Variants in RALGAPB observed in about 807,000 individuals in gnomAD.
RALGAPB encodes the protein ral GTPase-activating protein subunit beta.
In RALGAPB, 25 loss-of-function variants were observed where a neutral mutation model predicts 161.1. The ratio of observed to expected loss-of-function variants is 0.16; its 90% CI spans 0.11 to 0.22. The LOEUF (loss-of-function observed/expected upper bound fraction) is 0.22, where lower values mean the gene tolerates loss of function less well. Ranked by LOEUF, RALGAPB falls within the 10% of genes least tolerant of loss-of-function variation. RALGAPB has a pLI of 1.00. For synonymous variants in RALGAPB, 629 were observed against 626.1 expected, an observed-to-expected ratio of 1.00 and a Z score of -0.07; for missense variants, 1,391 against 1,815.2, an observed-to-expected ratio of 0.77 and a Z score of 4.25.
intron 1 of RALGAPB, among the ~76,000 whole-genome samples, chr20:38,488,067 G>GAA (rs111893244): frequency 6.6e-6 from 1 of 151,124 alleles, no homozygotes; most frequent in African/African-American, 2.4e-5. Context: ...TCTCAAAAAA[G>GAA]AAAAAAAATG....
intron 13 of RALGAPB, among the ~76,000 whole-genome samples, chr20:38,530,842 C>T (rs1213506411): frequency 2.6e-5 from 4 of 151,134 alleles, no homozygotes; most frequent in Non-Finnish European, 4.4e-5. Flanking sequence ...CGCCCCACTT[C>T]GGCCACCCAA....
intron 27 of RALGAPB, 102 bp downstream of exon 27, chr20:38,570,098 G>A (rs2145530855): frequency 2.2e-6 from 2 of 905,368 alleles, no homozygotes; most frequent in East Asian, 5.1e-5. Context: ...GTGGCCAGGA[G>A]CTAGTCCTGG....
chr20:38,559,128 C>T (rs890966779), intron 23 of RALGAPB, among the ~76,000 whole-genome samples: 1 of 152,148 alleles, frequency 6.6e-6, no homozygotes, highest in Non-Finnish European at 1.5e-5. Context: ...TATCTTTCTT[C>T]CCCTTAAGGA....
In RALGAPB at chr20:38,570,008, G is replaced by A. The variant is rs2088172893; in HGVS notation, c.4063+12G>A. 1.9e-6 allele frequency: 3 copies of A among 1,591,854 alleles called. No individual in the cohort carries two copies. The highest frequency in any genetic ancestry group is 1.7e-5 in the Admixed American group (1 of 59,824). On this transcript the variant is annotated intron_variant, in intron 27 of 29. Transcript: ENST00000262879. Reference sequence around the variant, plus strand: ...CTATGATGATATAGGTACTGTATGAGGACTTTGTCCATAAATAAAATGGCA... The same window carrying A: ...CTATGATGATATAGGTACTGTATGAAGACTTTGTCCATAAATAAAATGGCA...
At position 38,575,204 on chromosome 20, in the gene RALGAPB, C is replaced by A; in HGVS notation, c.*237C>A. ...TGATAATGATGATATACATTTTAGCCATAAACTTTCTTTTAAAAGTGACAA... is the reference window on the plus strand; with the variant it reads ...TGATAATGATGATATACATTTTAGCAATAAACTTTCTTTTAAAAGTGACAA... On this transcript the variant is annotated 3_prime_UTR_variant, in exon 30 of 30. Coordinates refer to ENST00000262879, the MANE Select transcript of RALGAPB (RefSeq NM_020336.4). The A allele has an allele frequency of 2.4e-6, 1 of 422,018 alleles. No individual in the cohort carries two copies. The highest frequency in any genetic ancestry group is 4.2e-6 in the Non-Finnish European group (1 of 237,656). The allele number at this position is 422,018 out of a possible 1,614,324, so 26.1% of individuals were successfully genotyped here.
chr20:38,569,797 C>T, intron 26 of RALGAPB, 91 bp from the exon 27 acceptor site: 2 of 924,584 alleles, frequency 2.2e-6, no homozygotes, highest in Non-Finnish European at 3.5e-6. Context: ...TCACTGAGCA[C>T]CTTGACAAAT....
At chr20:38,497,620 A>G (rs888014625) in intron 4 of RALGAPB, 104 bp downstream of exon 4, 43 of 1,251,850 alleles carry the variant, frequency 3.4e-5, no homozygotes, top group Non-Finnish European at 4.8e-5. Context: ...TTTTGGCATG[A>G]TGGTTTACAA....
chr20:38,573,089 T>C (rs1278208588), intron 28 of RALGAPB, among the ~76,000 whole-genome samples: 2 of 151,812 alleles, frequency 1.3e-5, no homozygotes, highest in Non-Finnish European at 2.9e-5. Context: ...TTTTTTTTTT[T>C]TAATTTAAAA....
intron 21 of RALGAPB, among the ~76,000 whole-genome samples, chr20:38,552,967 G>A (rs1406461067): frequency 1.3e-5 from 2 of 152,180 alleles, no homozygotes; most frequent in African/African-American, 2.4e-5. Context: ...GCTGTTAGAT[G>A]TGGGGGCTTC....
chr20:38,487,930 G>C (rs1303580), intron 1 of RALGAPB, among the ~76,000 whole-genome samples: 1 of 151,682 alleles, frequency 6.6e-6, no homozygotes, highest in African/African-American at 2.4e-5. Context: ...GTCGGGCATG[G>C]TGGTGCATGC....
chr20:38,565,015 A>C (rs564544151), intron 24 of RALGAPB, among the ~76,000 whole-genome samples: 2 of 147,964 alleles, frequency 1.4e-5, no homozygotes, highest in South Asian at 4.3e-4. Flanking sequence ...CTCTGGCCCA[A>C]CTCCCTTCTG....
At chr20:38,554,471 T>G (rs2087505066) in intron 22 of RALGAPB, among the ~76,000 whole-genome samples, 1 of 152,198 alleles carries the variant, frequency 6.6e-6, no homozygotes, top group Non-Finnish European at 1.5e-5. Flanking sequence ...CATGCCACTT[T>G]TAGAAAAGAA....
intron 1 of RALGAPB, among the ~76,000 whole-genome samples, chr20:38,478,890 A>G (rs2084883534): frequency 6.6e-6 from 1 of 152,160 alleles, no homozygotes; most frequent in Admixed American, 6.5e-5. Context: ...TCCTGGGATT[A>G]CAGGCATGAG....
At chr20:38,565,815 A>G (rs945505000) in intron 25 of RALGAPB, among the ~76,000 whole-genome samples, 3 of 152,122 alleles carry the variant, frequency 2.0e-5, no homozygotes, top group African/African-American at 4.8e-5. Context: ...CTACTTTTCT[A>G]TTCCCATATG....
chr20:38,536,064 AACTTCT>A (rs779010584), intron 16 of RALGAPB, among the ~76,000 whole-genome samples: 2 of 152,226 alleles, frequency 1.3e-5, no homozygotes, highest in African/African-American at 4.8e-5. Context: ...AATGTTGAGC[AACTTCT>A]ACTTCTAGTT....
At chr20:38,520,203 C>G in intron 9 of RALGAPB, 1 of 701,056 alleles carries the variant, frequency 1.4e-6, no homozygotes, top group Non-Finnish European at 1.8e-6. Flanking sequence ...TACTACTGTC[C>G]TTTGATTTGT....
At chr20:38,529,497 A>G (rs1017740527) in intron 13 of RALGAPB, among the ~76,000 whole-genome samples, 1 of 151,474 alleles carries the variant, frequency 6.6e-6, no homozygotes, top group African/African-American at 2.4e-5. Flanking sequence ...AGCCTGGGCA[A>G]TAAGAGCGAA....
chr20:38,572,744 A>G lies in RALGAPB; in HGVS notation c.4143-1406A>G, dbSNP rs549241896. On this transcript the variant is annotated intron_variant, in intron 28 of 29. Coordinates refer to ENST00000262879, the MANE Select transcript of RALGAPB (RefSeq NM_020336.4). ...AAATCACAGATATCTTAACGTTCCA[A>G]ATACATCAGTATGCATCTGAAAAGT... Among the ~76,000 whole-genome samples, 69 of 152,332 alleles carry G rather than the reference A, an allele frequency of 4.5e-4. No homozygotes were observed. In the South Asian group the frequency reaches 7.7e-3, roughly 17 times the overall value.
intron 21 of RALGAPB, among the ~76,000 whole-genome samples, chr20:38,552,906 T>C (rs1377027276): frequency 1.3e-5 from 2 of 152,194 alleles, no homozygotes; most frequent in Non-Finnish European, 2.9e-5. Context: ...TGTGGAAATT[T>C]GGAAGGAGGT....
Sources: gnomAD v4.1 joint callset for allele counts (sites outside exome capture counted in the v4.1 genomes callset) on GRCh38, gnomAD v4.1.1 for gene constraint, MANE v1.5 for transcripts, NCBI Gene and HGNC (gene_info 2026-07-23, HGNC 2026-07-21) for gene names.